The following TLCD4 variants were observed in gnomAD, a reference collection of about 807,000 sequenced individuals.
TLCD4 encodes TLC domain containing 4, also known as TLC domain-containing protein 4.
In TLCD4, 7 loss-of-function variants were observed where a neutral mutation model predicts 24.2. The observed-to-expected ratio is 0.29, with a 90% CI of 0.16 to 0.54. The LOEUF (loss-of-function observed/expected upper bound fraction) is 0.54, where lower values mean the gene tolerates loss of function less well. Ranked by LOEUF, TLCD4 falls within the 20% of genes least tolerant of loss-of-function variation. The pLI is 0.95. For missense variants in TLCD4, 259 were observed against 313.9 expected (o/e 0.82, Z 1.32); for synonymous variants, 103 against 106.4 (o/e 0.97, Z 0.20).
At chr1:95,160,118 T>C (rs1428798197) in intron 5 of TLCD4, among the ~76,000 whole-genome samples, 2 of 152,346 alleles carry the variant, frequency 1.3e-5, no homozygotes, top group African/African-American at 4.8e-5. Flanking sequence ...TTTCACGATA[T>C]TGATTCTTCC....
intron 5 of TLCD4, chr1:95,164,378 G>A (rs553682332): frequency 6.6e-6 from 1 of 152,368 alleles, no homozygotes; most frequent in African/African-American, 2.4e-5. Context: ...GGAGTGTCCC[G>A]ATTTTCCAGG....
chr1:95,179,129 C>A (rs577889358), intron 6 of TLCD4, among the ~76,000 whole-genome samples: 1 of 152,276 alleles, frequency 6.6e-6, no homozygotes, highest in Non-Finnish European at 1.5e-5. Flanking sequence ...AACCACAAGC[C>A]ACATATGAAT....
At chr1:95,182,820 T>A (rs1012269610) in intron 6 of TLCD4, among the ~76,000 whole-genome samples, 4 of 152,170 alleles carry the variant, frequency 2.6e-5, no homozygotes, top group Non-Finnish European at 4.4e-5. Context: ...ACTCTTAAAA[T>A]GTTTTAGGAC....
rs1187727742 is a variant in TLCD4, at chr1:95,143,937, C to T, written c.36C>T (p.Thr12=). 6.4e-7 allele frequency: 1 copy of T among 1,550,560 alleles called. No individual in the cohort carries two copies. Among genetic ancestry groups the T allele is most frequent in the Non-Finnish European group, 8.7e-7 (1 of 1,150,956 alleles). The part of the protein sequence containing the change: ...EINTKLLISV[T]CISFFTFQLL... ...ACACAAAACTGCTCATCAGTGTTAC[C>T]TGTATCAGCTTTTTCACCTTTCAGC... The change falls in exon 2 of 7, where the codon ACC becomes ACT. Residue 12 remains threonine, a synonymous_variant. Transcript: ENST00000370203.
chr1:95,184,017 A>T (rs1678742668), intron 6 of TLCD4, among the ~76,000 whole-genome samples: 1 of 152,184 alleles, frequency 6.6e-6, no homozygotes, highest in South Asian at 2.1e-4. Context: ...TCCAGGGTTA[A>T]TGTTTATTAA....
At chr1:95,153,273 C>CTT (rs1026930365) in intron 5 of TLCD4, among the ~76,000 whole-genome samples, 4 of 151,826 alleles carry the variant, frequency 2.6e-5, no homozygotes, top group African/African-American at 9.7e-5. Context: ...GAATTGTACA[C>CTT]TTAAAAGTTG....
chr1:95,102,033 C>T, the TLCD4 span, among the ~76,000 whole-genome samples: 6 of 151,940 alleles, frequency 3.9e-5, no homozygotes, highest in South Asian at 2.1e-4. Context: ...AGTAAGAGAA[C>T]GATTTTGATT....
intron 5 of TLCD4, among the ~76,000 whole-genome samples, chr1:95,169,486 A>G (rs922851463): frequency 6.6e-6 from 1 of 152,200 alleles, no homozygotes; most frequent in African/African-American, 2.4e-5. Context: ...GACTCTTTTA[A>G]TACTTAATGA....
At chr1:95,110,640 G>A in the TLCD4 span, among the ~76,000 whole-genome samples, 4 of 152,092 alleles carry the variant, frequency 2.6e-5, no homozygotes, top group Admixed American at 6.6e-5. Flanking sequence ...TGTAATCCCA[G>A]CACTTTGGGA....
chr1:95,161,023 A>G (rs1293600746), intron 5 of TLCD4, among the ~76,000 whole-genome samples: 1 of 152,078 alleles, frequency 6.6e-6, no homozygotes, highest in Non-Finnish European at 1.5e-5. Flanking sequence ...CTCATAAAAT[A>G]AGTTAGAGAG....
chr1:95,182,740 T>A (rs554999816), intron 6 of TLCD4, among the ~76,000 whole-genome samples: 2 of 152,284 alleles, frequency 1.3e-5, no homozygotes, highest in African/African-American at 4.8e-5. Flanking sequence ...CAGGGGTCCA[T>A]AAACCACATT....
intron 5 of TLCD4, among the ~76,000 whole-genome samples, chr1:95,158,907 T>C (rs1447414189): frequency 2.0e-5 from 3 of 152,322 alleles, no homozygotes; most frequent in Non-Finnish European, 2.9e-5. Context: ...CAGTCTATCA[T>C]TGACGGACAT....
intron 1 of TLCD4, among the ~76,000 whole-genome samples, chr1:95,128,639 T>A (rs1676806266): frequency 6.6e-6 from 1 of 152,194 alleles, no homozygotes; most frequent in Non-Finnish European, 1.5e-5. Flanking sequence ...TATCTTGGTG[T>A]AGGGACTCTC....
intron 1 of TLCD4, among the ~76,000 whole-genome samples, chr1:95,141,549 C>T (rs892121475): frequency 7.2e-5 from 11 of 151,956 alleles, no homozygotes; most frequent in Admixed American, 6.6e-5. Context: ...CTCCAGATAC[C>T]TATTTGCTTT....
the TLCD4 span, among the ~76,000 whole-genome samples, chr1:95,096,041 C>T: frequency 6.6e-6 from 1 of 152,210 alleles, no homozygotes; most frequent in Middle Eastern, 3.2e-3. Flanking sequence ...CAGAAAGTAT[C>T]GGAGTTGTGT....
chr1:95,121,699 G>A (rs1447162996), intron 1 of TLCD4, among the ~76,000 whole-genome samples: 2 of 152,172 alleles, frequency 1.3e-5, no homozygotes, highest in Non-Finnish European at 2.9e-5. Context: ...TCAACTCCTG[G>A]CCTCAAGTGA....
chr1:95,128,692 G>A (rs551448407), intron 1 of TLCD4, among the ~76,000 whole-genome samples: 32 of 152,196 alleles, frequency 2.1e-4, no homozygotes, highest in African/African-American at 4.1e-4. Context: ...TTTTGCTCCC[G>A]CAAAACAAAC....
intron 1 of TLCD4, among the ~76,000 whole-genome samples, chr1:95,127,339 T>C (rs990820801): frequency 1.3e-5 from 2 of 152,218 alleles, no homozygotes; most frequent in Non-Finnish European, 2.9e-5. Flanking sequence ...CCTTAGCCAC[T>C]TCCCTTATCC....
intron 6 of TLCD4, among the ~76,000 whole-genome samples, chr1:95,176,888 A>G (rs1678448274): frequency 6.6e-6 from 1 of 152,208 alleles, no homozygotes; most frequent in Admixed American, 6.5e-5. Context: ...CATTTGTTCA[A>G]GAGACTATCT....
Sources: gnomAD v4.1 joint callset for allele counts (sites outside exome capture counted in the v4.1 genomes callset) on GRCh38, gnomAD v4.1.1 for gene constraint, MANE v1.5 for transcripts, NCBI Gene and HGNC (gene_info 2026-07-23, HGNC 2026-07-21) for gene names.